SHISA9: variants seen among roughly 807,000 people sequenced by gnomAD.
The protein encoded by SHISA9 is shisa family member 9, also known as protein shisa-9.
SHISA9 carries 13 observed loss-of-function variants against 38.0 expected under a neutral mutation model. The observed-to-expected ratio is 0.34, with a 90% CI of 0.22 to 0.54. SHISA9 has a LOEUF of 0.54. Among genes scored for constraint, SHISA9 ranks in the 20% least tolerant of loss-of-function variants. The probability of loss-of-function intolerance (pLI) is 0.91; values close to 1 mark genes in which losing one functional copy is unlikely to be tolerated. For synonymous variants in SHISA9, 275 were observed against 242.0 expected (o/e 1.14, Z -1.27); for missense variants, 538 against 575.8 (o/e 0.93, Z 0.67).
At chr16:13,329,446 A>G in the SHISA9 span, among the ~76,000 whole-genome samples, 1 of 152,136 alleles carries the variant, frequency 6.6e-6, no homozygotes, top group Non-Finnish European at 1.5e-5. Flanking sequence ...ATTAAAATCC[A>G]TGTGCTAGGT....
the SHISA9 span, among the ~76,000 whole-genome samples, chr16:13,421,298 A>G: frequency 2.6e-5 from 4 of 152,228 alleles, no homozygotes; most frequent in African/African-American, 7.2e-5. Context: ...TGATAAAGAC[A>G]TACCCAAGAC....
rs1596552900 is a variant in SHISA9, at chr16:12,964,242, T to G, written c.691+47427T>G. ...AGAATGTGTCCACTGTTTTCACACC[T>G]AGGGCTTTAGCACACAGCAGGCATT... On this transcript the variant is annotated intron_variant, in intron 2 of 4. Coordinates refer to ENST00000558583, the MANE Select transcript of SHISA9 (RefSeq NM_001145204.3). Among the ~76,000 whole-genome samples the G allele has an allele frequency of 2.0e-5, 3 of 152,182 alleles. No homozygotes were observed. The East Asian group carries it at 5.8e-4, about 29-fold the overall frequency.
chr16:13,277,803 A>G, the SHISA9 span, among the ~76,000 whole-genome samples: 1 of 152,016 alleles, frequency 6.6e-6, no homozygotes, highest in Non-Finnish European at 1.5e-5. Flanking sequence ...TTAACATATC[A>G]GGAGCTTTCT....
At chr16:13,559,885 A>C in the SHISA9 span, among the ~76,000 whole-genome samples, 1 of 152,242 alleles carries the variant, frequency 6.6e-6, no homozygotes, top group Non-Finnish European at 1.5e-5. Flanking sequence ...CCTTCAGCTA[A>C]AGTCAGTCAC....
At chr16:13,009,538 AG>A (rs1453700680) in intron 2 of SHISA9, among the ~76,000 whole-genome samples, 1 of 152,110 alleles carries the variant, frequency 6.6e-6, no homozygotes, top group Non-Finnish European at 1.5e-5. Context: ...GGAAGGTGAA[AG>A]GGCCAATAGC....
intron 2 of SHISA9, among the ~76,000 whole-genome samples, chr16:13,008,606 C>T (rs1383311703): frequency 4.7e-5 from 7 of 149,616 alleles, no homozygotes; most frequent in South Asian, 2.2e-4. Flanking sequence ...CCCCTTTTTT[C>T]TCTCTCTCTC....
At chr16:12,925,368 G>A (rs1000743948) in intron 2 of SHISA9, among the ~76,000 whole-genome samples, 3 of 151,260 alleles carry the variant, frequency 2.0e-5, no homozygotes, top group Middle Eastern at 3.2e-3. Context: ...TGTCTTACTG[G>A]CAGACCAGGT....
the SHISA9 span, among the ~76,000 whole-genome samples, chr16:13,455,348 C>A: frequency 0.013 from 1,993 of 152,272 alleles, 48 homozygotes; most frequent in African/African-American, 0.046. Context: ...CCACAGAAAG[C>A]AAAGTCAAAG....
At chr16:13,057,185 C>T (rs987933105) in intron 2 of SHISA9, among the ~76,000 whole-genome samples, 1 of 152,190 alleles carries the variant, frequency 6.6e-6, no homozygotes, top group African/African-American at 2.4e-5. Context: ...GCCAGTCCTC[C>T]AGCTGTGGCA....
At chr16:13,433,887 TAGTC>T in the SHISA9 span, among the ~76,000 whole-genome samples, 3 of 152,216 alleles carry the variant, frequency 2.0e-5, no homozygotes, top group East Asian at 1.9e-4. Context: ...TTGTGTGTAT[TAGTC>T]AGGGTTCCCT....
the SHISA9 span, among the ~76,000 whole-genome samples, chr16:13,471,882 G>A: frequency 6.6e-6 from 1 of 152,126 alleles, no homozygotes; most frequent in African/African-American, 2.4e-5. Context: ...AGAAAAACAA[G>A]GAGAGGACAA....
At chr16:13,064,566 G>A (rs964470586) in intron 2 of SHISA9, among the ~76,000 whole-genome samples, 2 of 151,980 alleles carry the variant, frequency 1.3e-5, no homozygotes, top group Non-Finnish European at 2.9e-5. Flanking sequence ...ATGATATAAG[G>A]ATCATTATAT....
the SHISA9 span, among the ~76,000 whole-genome samples, chr16:13,366,351 G>A: frequency 6.6e-6 from 1 of 152,170 alleles, no homozygotes; most frequent in Non-Finnish European, 1.5e-5. Context: ...AAGAATGCAA[G>A]CAAATGTGTT....
intron 4 of SHISA9, among the ~76,000 whole-genome samples, chr16:13,222,138 G>A (rs776678033): frequency 3.9e-5 from 6 of 152,240 alleles, no homozygotes; most frequent in Non-Finnish European, 8.8e-5. Context: ...ATTATCACAA[G>A]AACAGCACAG....
the SHISA9 span, among the ~76,000 whole-genome samples, chr16:13,420,664 G>A: frequency 6.6e-6 from 1 of 152,154 alleles, no homozygotes; most frequent in East Asian, 1.9e-4. Context: ...CATTATGGCT[G>A]AGGCAGCCTG....
At chr16:12,990,001 G>C (rs2072364004) in intron 2 of SHISA9, among the ~76,000 whole-genome samples, 1 of 152,094 alleles carries the variant, frequency 6.6e-6, no homozygotes, top group Admixed American at 6.6e-5. Flanking sequence ...TCATCATTCA[G>C]CTCCCACTTA....
At chr16:13,298,163 A>T in the SHISA9 span, among the ~76,000 whole-genome samples, 2 of 152,242 alleles carry the variant, frequency 1.3e-5, no homozygotes, top group East Asian at 1.9e-4. Context: ...TCTTCGTTCA[A>T]ATACAGAGAT....
chr16:13,069,618 A>T (rs1373392123), intron 2 of SHISA9, among the ~76,000 whole-genome samples: 6 of 152,114 alleles, frequency 3.9e-5, no homozygotes, highest in African/African-American at 1.2e-4. Context: ...TGTACATGCA[A>T]TGTGTGTGTC....
chr16:13,011,560 C>T (rs564672658), intron 2 of SHISA9, among the ~76,000 whole-genome samples: 13 of 151,978 alleles, frequency 8.6e-5, no homozygotes, highest in South Asian at 4.2e-4. Context: ...CTTGCTCTTT[C>T]GCCCAGGCTG....
Sources: gnomAD v4.1 joint callset for allele counts (sites outside exome capture counted in the v4.1 genomes callset) on GRCh38, gnomAD v4.1.1 for gene constraint, MANE v1.5 for transcripts, NCBI Gene and HGNC (gene_info 2026-07-23, HGNC 2026-07-21) for gene names.